The following SLC43A3 variants were observed in gnomAD, a reference collection of about 807,000 sequenced individuals.
SLC43A3 encodes the protein solute carrier family 43 member 3.
Under a neutral mutation model 53.3 loss-of-function variants are expected in SLC43A3, and 33 were observed. That is an observed-to-expected ratio of 0.62 (90% confidence interval 0.47 to 0.83). The LOEUF (loss-of-function observed/expected upper bound fraction) is 0.83. Among genes scored for constraint, SLC43A3 ranks in the 40% least tolerant of loss-of-function variants. The pLI, the probability that SLC43A3 is intolerant of heterozygous loss-of-function variation, is 0.00. For missense variants in SLC43A3, 530 were observed against 610.0 expected, an observed-to-expected ratio of 0.87 and a Z score of 1.38; for synonymous variants, 236 against 246.2, an observed-to-expected ratio of 0.96 and a Z score of 0.39.
chr11:57,421,129 C>G, intron 6 of SLC43A3, 65 bp from the exon 7 acceptor site: 1 of 1,323,150 alleles, frequency 7.6e-7, no homozygotes. Context: ...CCTGAGCACC[C>G]AGCATGTGGC....
chr11:57,419,818 G>C (rs1004908257), intron 7 of SLC43A3, among the ~76,000 whole-genome samples: 1 of 130,714 alleles, frequency 7.7e-6, no homozygotes, highest in South Asian at 2.5e-4. Flanking sequence ...AAAAAAAAAA[G>C]AGAGAGGAAA....
At chr11:57,419,608 G>A (rs1942890313) in intron 7 of SLC43A3, among the ~76,000 whole-genome samples, 1 of 152,036 alleles carries the variant, frequency 6.6e-6, no homozygotes, top group African/African-American at 2.4e-5. Flanking sequence ...GACCAGCCTG[G>A]CCAACATGGC....
intron 8 of SLC43A3, 81 bp from the exon 9 acceptor site, chr11:57,416,751 G>GGAATGTGGGATTCACCATACT: frequency 9.4e-7 from 1 of 1,061,334 alleles, no homozygotes; most frequent in Non-Finnish European, 1.4e-6. Context: ...ATAGCATGGT[G>GGAATGTGGGATTCACCATACT]AATCCCACAT....
At chr11:57,417,692 A>T in intron 8 of SLC43A3, 56 bp downstream of exon 8, 1 of 1,606,052 alleles carries the variant, frequency 6.2e-7, no homozygotes, top group Non-Finnish European at 8.5e-7. Context: ...TACCCTGTCC[A>T]TCCCACCCTA....
chr11:57,421,233 G>T, intron 6 of SLC43A3, 64 bp downstream of exon 6: 1 of 1,438,930 alleles, frequency 6.9e-7, no homozygotes, highest in Non-Finnish European at 9.7e-7. Flanking sequence ...ATAGAAAAGG[G>T]TCTCTCCTTC....
chr11:57,425,615 C>T lies in SLC43A3; in HGVS notation c.240G>A (p.Met80Ile). 1 of 1,614,138 alleles carries T rather than the reference C, an allele frequency of 6.2e-7. No homozygotes were observed. The highest frequency in any genetic ancestry group is 1.1e-5 in the South Asian group (1 of 91,080). Residue 80 changes from methionine to isoleucine, a missense_variant, in exon 4 of 14, where the codon ATG becomes ATA. Met to Ile is a conservative substitution (Grantham distance 10). This residue lies in a region of SLC43A3 where 376 missense variants were observed against 386.7 expected (regional missense o/e 0.97). Coordinates refer to ENST00000395124, the MANE Select transcript of SLC43A3 (RefSeq NM_199329.3). Reference sequence around the variant, plus strand: ...CAGTGGGGAATGTCATGAAGTTGTTCATGAAGGACCCCAGGGTGAAGATGA... The same window carrying T: ...CAGTGGGGAATGTCATGAAGTTGTTTATGAAGGACCCCAGGGTGAAGATGA... ...FSLIFTLGSF[M>I]NNFMTFPTGY...
intron 1 of SLC43A3, 42 bp downstream of exon 1, chr11:57,427,020 C>A (rs1286169495): frequency 6.6e-6 from 1 of 152,286 alleles, no homozygotes; most frequent in East Asian, 1.9e-4. Flanking sequence ...CCAGGCCGCG[C>A]TCGGCGCCCC....
chr11:57,424,390 T>C (rs538510924), intron 4 of SLC43A3, among the ~76,000 whole-genome samples: 1 of 152,240 alleles, frequency 6.6e-6, no homozygotes, highest in South Asian at 2.1e-4. Flanking sequence ...CCCAACCCCT[T>C]GGAGAAAGGG....
rs900015353 is a variant in SLC43A3 at position 57,407,446 on chromosome 11, G to C, written c.*346C>G. On this transcript the variant is annotated 3_prime_UTR_variant, in exon 14 of 14. Transcript: ENST00000395124. Reference sequence around the variant, plus strand: ...TGGCAGAGGATCCAGGCACATATAGGCTTCGGAGCCAAACAGGCCTAAAGA... The same window carrying C: ...TGGCAGAGGATCCAGGCACATATAGCCTTCGGAGCCAAACAGGCCTAAAGA... 1.5e-5 allele frequency: 3 copies of C among 203,508 alleles called. No individual in the cohort carries two copies. Among genetic ancestry groups the C allele is most frequent in the Non-Finnish European group, 3.0e-5 (3 of 98,998 alleles). The allele number at this position is 203,508 out of a possible 1,614,324, so 12.6% of individuals were successfully genotyped here. A position where few individuals can be genotyped will look rare whatever the true frequency, so the allele number is the denominator to read the frequency against.
upstream of SLC43A3, chr11:57,427,144 C>T (rs1361607594): frequency 6.5e-6 from 1 of 152,718 alleles, no homozygotes; most frequent in Non-Finnish European, 1.5e-5. Flanking sequence ...CCCTCCCAGT[C>T]CCCTGCTCGC....
chr11:57,408,902 G>GCT (rs1468749935), intron 13 of SLC43A3, among the ~76,000 whole-genome samples: 1 of 152,246 alleles, frequency 6.6e-6, no homozygotes, highest in African/African-American at 2.4e-5. Flanking sequence ...TGGGCCTAGG[G>GCT]GAGAGGCCAG....
intron 3 of SLC43A3, 126 bp downstream of exon 3, chr11:57,425,863 T>C (rs1943183080): frequency 3.0e-6 from 4 of 1,329,916 alleles, no homozygotes; most frequent in Non-Finnish European, 4.2e-6. Flanking sequence ...TCAAGTGGGG[T>C]GAGAGCTGCT....
At chr11:57,417,204 A>T (rs1942760285) in intron 8 of SLC43A3, among the ~76,000 whole-genome samples, 3 of 152,200 alleles carry the variant, frequency 2.0e-5, no homozygotes, top group African/African-American at 7.2e-5. Flanking sequence ...TTTGAATGAG[A>T]CTGCAGCTCT....
At chr11:57,422,575 CCATT>C (rs1943037460) in intron 5 of SLC43A3, among the ~76,000 whole-genome samples, 1 of 152,202 alleles carries the variant, frequency 6.6e-6, no homozygotes, top group Non-Finnish European at 1.5e-5. Flanking sequence ...ACACAGTTTA[CCATT>C]CAATTTCTGT....
rs77364409 is a variant in SLC43A3 at position 57,412,982 on chromosome 11, G to A, written c.1060+1633C>T. Among the ~76,000 whole-genome samples, 685 of 150,250 alleles carry A rather than the reference G, an allele frequency of 4.6e-3. 7 individuals carry two copies. The highest frequency in any genetic ancestry group is 0.016 in the African/African-American group (648 of 40,832). ...AAACCAGTTGATCAATCTTAACATC[G>A]TAACAAGACAACAGACACCAGGGGC... On this transcript the variant is annotated intron_variant, in intron 11 of 13. Transcript: ENST00000395124.
rs996890484 is a variant in SLC43A3 at position 57,414,667 on chromosome 11, G to C, written c.1008C>G (p.Gly336=). Residue 336 remains glycine (G), a synonymous_variant, in exon 11 of 14, where the codon GGC becomes GGG. Transcript: ENST00000395124. Reference sequence around the variant, plus strand: ...TCTGTTTAAGCCGGTCCATGAGCAGGCCATTCCAGGGGGCACACAGCACTC... The same window carrying C: ...TCTGTTTAAGCCGGTCCATGAGCAGCCCATTCCAGGGGGCACACAGCACTC... The part of the protein sequence containing the change: ...QFGVLCAPWN[G]LLMDRLKQKY... 2 of 1,613,968 alleles carry C rather than the reference G, an allele frequency of 1.2e-6. No individual in the cohort carries two copies. Among genetic ancestry groups the C allele is most frequent in the African/African-American group, 2.7e-5 (2 of 74,900 alleles).
intron 7 of SLC43A3, among the ~76,000 whole-genome samples, chr11:57,418,805 G>A (rs549339655): frequency 6.6e-6 from 1 of 151,734 alleles, no homozygotes; most frequent in African/African-American, 2.4e-5. Flanking sequence ...CAGGAGAATC[G>A]CTTGAACCCG....
chr11:57,414,818 A>G (rs1942642628), intron 10 of SLC43A3, 87 bp from the exon 11 acceptor site: 1 of 1,520,464 alleles, frequency 6.6e-7, no homozygotes, highest in Non-Finnish European at 9.1e-7. Context: ...CCTTGTCTGC[A>G]TGTCCCTCCT....
intron 11 of SLC43A3, among the ~76,000 whole-genome samples, chr11:57,413,794 T>C (rs1942589322): frequency 6.6e-6 from 1 of 152,128 alleles, no homozygotes; most frequent in Non-Finnish European, 1.5e-5. Context: ...CCAGCCCGAC[T>C]CATCTGCCCA....
Sources: gnomAD v4.1 joint callset for allele counts (sites outside exome capture counted in the v4.1 genomes callset) on GRCh38, gnomAD v4.1.1 for gene constraint, gnomAD v4.1.1 regional missense constraint, MANE v1.5 for transcripts, NCBI Gene and HGNC (gene_info 2026-07-23, HGNC 2026-07-21) for gene names.